The following KCNT2 variants were observed in gnomAD, a reference collection of about 807,000 sequenced individuals.
KCNT2 encodes potassium channel subfamily T member 2.
KCNT2 carries 67 observed loss-of-function variants against 153.8 expected under a neutral mutation model. The observed-to-expected ratio is 0.44, with a 90% CI of 0.36 to 0.53. The LOEUF (loss-of-function observed/expected upper bound fraction) is 0.53, where lower values mean the gene tolerates loss of function less well. Ranked by LOEUF, KCNT2 falls within the 20% of genes least tolerant of loss-of-function variation. The pLI, the probability that KCNT2 is intolerant of heterozygous loss-of-function variation, is 0.00. For missense variants in KCNT2, 975 were observed against 1,354.8 expected (o/e 0.72, Z 4.40); for synonymous variants, 500 against 458.8 (o/e 1.09, Z -1.15).
chr1:196,505,153 C>T (rs540868374), intron 1 of KCNT2, among the ~76,000 whole-genome samples: 1 of 152,146 alleles, frequency 6.6e-6, no homozygotes, highest in Admixed American at 6.5e-5. Context: ...ACATGAAGTC[C>T]TTGCTCCTGC....
chr1:196,246,788 T>A, intron 26 of KCNT2, among the ~76,000 whole-genome samples: 1 of 151,690 alleles, frequency 6.6e-6, no homozygotes, highest in East Asian at 1.9e-4. Flanking sequence ...ACATGATAAA[T>A]AAAAAGTAAG....
intron 1 of KCNT2, among the ~76,000 whole-genome samples, chr1:196,498,246 G>A (rs12065519): frequency 0.48 from 72,800 of 151,966 alleles, 19,795 homozygotes; most frequent in Middle Eastern, 0.73. Context: ...TCTGATCCAG[G>A]CTGTCAATGC....
chr1:196,560,856 G>C (rs1420189509), intron 1 of KCNT2, among the ~76,000 whole-genome samples: 2 of 151,736 alleles, frequency 1.3e-5, no homozygotes, highest in African/African-American at 4.8e-5. Context: ...GTACCTAGTT[G>C]GCTTCAGAAT....
At chr1:196,574,692 C>T (rs963519794) in intron 1 of KCNT2, among the ~76,000 whole-genome samples, 4 of 151,828 alleles carry the variant, frequency 2.6e-5, no homozygotes, top group African/African-American at 7.3e-5. Flanking sequence ...TAAAGAGATA[C>T]ATTTATGTTT....
intron 25 of KCNT2, among the ~76,000 whole-genome samples, chr1:196,272,423 T>G (rs555164605): frequency 6.6e-6 from 1 of 151,880 alleles, no homozygotes; most frequent in Admixed American, 6.6e-5. Flanking sequence ...ATGTCAACCC[T>G]CTGAAAAACC....
chr1:196,324,094 G>A (rs576981505), intron 19 of KCNT2, among the ~76,000 whole-genome samples: 1 of 151,980 alleles, frequency 6.6e-6, no homozygotes, highest in South Asian at 2.1e-4. Context: ...CTTTCGGGAA[G>A]TACACAGAAA....
intron 1 of KCNT2, among the ~76,000 whole-genome samples, chr1:196,570,095 A>T (rs1660602514): frequency 6.8e-6 from 1 of 147,482 alleles, no homozygotes; most frequent in Admixed American, 6.7e-5. Flanking sequence ...AAAAAAAAAA[A>T]AAATTAAAGG....
chr1:196,553,353 A>C (rs116131340), intron 1 of KCNT2, among the ~76,000 whole-genome samples: 2,041 of 151,352 alleles, frequency 0.013, 27 homozygotes, highest in African/African-American at 0.047. Context: ...ATGATTGTAA[A>C]TATAATGCAC....
intron 21 of KCNT2, among the ~76,000 whole-genome samples, chr1:196,309,962 G>A (rs908439143): frequency 1.3e-5 from 2 of 151,804 alleles, no homozygotes; most frequent in East Asian, 1.9e-4. Context: ...TAATTGTGGA[G>A]ATGTGTAAAA....
At chr1:196,413,645 T>C (rs1376977405) in intron 12 of KCNT2, among the ~76,000 whole-genome samples, 1 of 151,646 alleles carries the variant, frequency 6.6e-6, no homozygotes, top group Admixed American at 6.6e-5. Context: ...TCTAGAATAG[T>C]CAGAAAGCAT....
chr1:196,487,127 G>A (rs1466140620), intron 3 of KCNT2, among the ~76,000 whole-genome samples: 1 of 151,808 alleles, frequency 6.6e-6, no homozygotes, highest in African/African-American at 2.4e-5. Flanking sequence ...CCCCTTCCAC[G>A]GCATAGAGTC....
intron 26 of KCNT2, chr1:196,257,557 T>G (rs753990111): frequency 8.7e-6 from 8 of 920,216 alleles, no homozygotes; most frequent in Middle Eastern, 5.6e-4. Context: ...CATACACTGA[T>G]AAATGATATA....
At chr1:196,276,656 A>C (rs1303495975) in intron 25 of KCNT2, among the ~76,000 whole-genome samples, 4 of 152,032 alleles carry the variant, frequency 2.6e-5, no homozygotes, top group Non-Finnish European at 4.4e-5. Flanking sequence ...TAGTTTCCTT[A>C]GACAGCAGAC....
intron 14 of KCNT2, among the ~76,000 whole-genome samples, chr1:196,356,267 G>A (rs918405700): frequency 6.6e-6 from 1 of 151,510 alleles, no homozygotes; most frequent in Non-Finnish European, 1.5e-5. Context: ...ACATATAAAA[G>A]CAATATTAAA....
intron 21 of KCNT2, among the ~76,000 whole-genome samples, chr1:196,307,153 T>G (rs1045206946): frequency 2.6e-5 from 4 of 152,122 alleles, no homozygotes; most frequent in African/African-American, 9.7e-5. Context: ...ACAGAAACTC[T>G]AAATATCAGA....
At chr1:196,599,734 A>G (rs1664501449) in intron 1 of KCNT2, among the ~76,000 whole-genome samples, 1 of 152,150 alleles carries the variant, frequency 6.6e-6, no homozygotes, top group African/African-American at 2.4e-5. Context: ...GTTTTCCTTC[A>G]CTGCTTCTAT....
At chr1:196,607,293 C>G (rs1665425550) in intron 1 of KCNT2, among the ~76,000 whole-genome samples, 1 of 152,114 alleles carries the variant, frequency 6.6e-6, no homozygotes. Flanking sequence ...AGTTAGTATA[C>G]ATGTATTATT....
chr1:196,535,727 G>A (rs540726647), intron 1 of KCNT2, among the ~76,000 whole-genome samples: 76 of 152,308 alleles, frequency 5.0e-4, no homozygotes, highest in African/African-American at 1.5e-3. Context: ...CTCTGAGCAT[G>A]AGCCGGCCTG....
chr1:196,274,916 A>C (rs182133830), intron 25 of KCNT2, among the ~76,000 whole-genome samples: 148 of 152,010 alleles, frequency 9.7e-4, no homozygotes, highest in Non-Finnish European at 1.8e-3. Flanking sequence ...TTAATAATTC[A>C]GAATTGTTCA....
Sources: allele counts gnomAD v4.1 joint callset (sites outside exome capture counted in the v4.1 genomes callset), GRCh38; gene constraint gnomAD v4.1.1; transcripts MANE v1.5; gene names NCBI Gene and HGNC (gene_info 2026-07-23, HGNC 2026-07-21).